The following ACSS3 variants were observed in gnomAD, a reference collection of about 807,000 sequenced individuals.
The protein encoded by ACSS3 is acyl-CoA synthetase short chain family member 3.
ACSS3 carries 64 observed loss-of-function variants against 84.2 expected under a neutral mutation model. The observed-to-expected ratio is 0.76, with a 90% CI of 0.62 to 0.94. The LOEUF (loss-of-function observed/expected upper bound fraction) is 0.94. Among genes scored for constraint, ACSS3 ranks in the 40% least tolerant of loss-of-function variants. ACSS3 has a pLI of 0.00. For synonymous variants in ACSS3, 317 were observed against 310.1 expected, an observed-to-expected ratio of 1.02 and a Z score of -0.23; for missense variants, 815 against 867.6, an observed-to-expected ratio of 0.94 and a Z score of 0.76.
chr12:81,258,872 T>C lies in ACSS3; in HGVS notation c.*3950T>C, dbSNP rs531638856. On this transcript the variant is annotated 3_prime_UTR_variant, in exon 16 of 16. Coordinates refer to ENST00000548058, the MANE Select transcript of ACSS3 (RefSeq NM_024560.4). ...AAGAAGTTTTTTTATCTTTTTTTTTTTCTTGGTCCACAGGTAACAAGAGAA... is the reference window on the plus strand; with the variant it reads ...AAGAAGTTTTTTTATCTTTTTTTTTCTCTTGGTCCACAGGTAACAAGAGAA... The C allele has an allele frequency of 1.3e-5, 2 of 152,108 alleles. No homozygotes were observed. Among genetic ancestry groups the C allele is most frequent in the Non-Finnish European group, 2.9e-5 (2 of 68,090 alleles). The allele number at this position is 152,108 out of a possible 1,614,324, so 9.4% of individuals were successfully genotyped here.
chr12:81,130,834 C>G (rs1198130360), intron 2 of ACSS3, among the ~76,000 whole-genome samples: 1 of 152,182 alleles, frequency 6.6e-6, no homozygotes, highest in South Asian at 2.1e-4. Flanking sequence ...GCAGTTTCAG[C>G]TTTCTACATA....
intron 8 of ACSS3, 145 bp downstream of exon 8, chr12:81,175,084 A>C (rs1319761473): frequency 7.0e-6 from 6 of 859,994 alleles, no homozygotes; most frequent in Non-Finnish European, 9.6e-6. Flanking sequence ...TTGTCTAAAT[A>C]TAATTTTGAA....
At chr12:81,099,405 G>C (rs1882325613) in intron 1 of ACSS3, among the ~76,000 whole-genome samples, 1 of 152,142 alleles carries the variant, frequency 6.6e-6, no homozygotes, top group African/African-American at 2.4e-5. Flanking sequence ...TACATGCAAA[G>C]TGCAGAAATC....
At position 81,256,496 on chromosome 12, in the gene ACSS3, T is replaced by C. The variant is rs890406867; in HGVS notation, c.*1574T>C. 3 of 152,170 alleles carry C rather than the reference T, an allele frequency of 2.0e-5. No homozygotes were observed. The highest frequency in any genetic ancestry group is 2.0e-4 in the Admixed American group (3 of 15,264). 9.4% of individuals were successfully genotyped at this position (152,170 alleles called of 1,614,324 possible). A position where few individuals can be genotyped will look rare whatever the true frequency, so the allele number is the denominator to read the frequency against. Reference sequence around the variant, plus strand: ...ATGACATCAGTTATCAAAGAATACATTTTAACCCAAAAGTATACCATGCTC... The same window carrying C: ...ATGACATCAGTTATCAAAGAATACACTTTAACCCAAAAGTATACCATGCTC... On this transcript the variant is annotated 3_prime_UTR_variant, in exon 16 of 16. Coordinates refer to ENST00000548058, the MANE Select transcript of ACSS3 (RefSeq NM_024560.4).
chr12:81,214,662 G>A (rs932339160), intron 9 of ACSS3, among the ~76,000 whole-genome samples: 17 of 152,110 alleles, frequency 1.1e-4, no homozygotes, highest in African/African-American at 4.1e-4. Flanking sequence ...ATCCTTTCTT[G>A]CTGTCTTGCA....
At chr12:81,252,416 T>C (rs148124630) in intron 13 of ACSS3, among the ~76,000 whole-genome samples, 64 of 152,220 alleles carry the variant, frequency 4.2e-4, no homozygotes, top group African/African-American at 1.3e-3. Flanking sequence ...CAAATATTCA[T>C]TGAATGAATG....
chr12:81,200,285 C>T (rs2032041127), intron 9 of ACSS3, among the ~76,000 whole-genome samples: 4 of 152,146 alleles, frequency 2.6e-5, no homozygotes, highest in Admixed American at 2.6e-4. Context: ...AGCTATGAGC[C>T]ATGGGAGCCC....
chr12:81,229,951 A>G (rs2033399951), intron 11 of ACSS3, among the ~76,000 whole-genome samples: 2 of 151,946 alleles, frequency 1.3e-5, no homozygotes, highest in Non-Finnish European at 1.5e-5. Flanking sequence ...TGAGAGTAAA[A>G]TTCAGTGCCA....
At chr12:81,173,683 G>T (rs541080299) in intron 7 of ACSS3, among the ~76,000 whole-genome samples, 6 of 151,964 alleles carry the variant, frequency 3.9e-5, no homozygotes, top group African/African-American at 1.2e-4. Flanking sequence ...CCCTATTTGG[G>T]GACATTGTTG....
At chr12:81,226,397 T>C (rs921868884) in intron 11 of ACSS3, among the ~76,000 whole-genome samples, 7 of 151,790 alleles carry the variant, frequency 4.6e-5, no homozygotes, top group Non-Finnish European at 1.0e-4. Flanking sequence ...TGTTTTATAC[T>C]CTCTCCACGA....
chr12:81,110,852 T>C (rs980866604), intron 2 of ACSS3, among the ~76,000 whole-genome samples: 1 of 152,212 alleles, frequency 6.6e-6, no homozygotes, highest in African/African-American at 2.4e-5. Context: ...CTTTTAAGAT[T>C]GTATTCTCTC....
At chr12:81,207,395 A>T (rs1279314417) in intron 9 of ACSS3, among the ~76,000 whole-genome samples, 3 of 152,144 alleles carry the variant, frequency 2.0e-5, no homozygotes, top group Admixed American at 6.6e-5. Context: ...GCAAGAAGTG[A>T]TGCAGAATCC....
chr12:81,222,789 T>C (rs1054801376), intron 11 of ACSS3, among the ~76,000 whole-genome samples: 1 of 152,004 alleles, frequency 6.6e-6, no homozygotes, highest in African/African-American at 2.4e-5. Flanking sequence ...CTACTATAGG[T>C]CTTAAGATAT....
chr12:81,234,336 T>C (rs191567305), intron 13 of ACSS3, among the ~76,000 whole-genome samples: 5 of 151,540 alleles, frequency 3.3e-5, no homozygotes, highest in Admixed American at 3.3e-4. Flanking sequence ...TTTGCAGCAA[T>C]TATAAATAGG....
Position 81,216,938 on chromosome 12 carries a change from A to G in ACSS3, c.1392A>G (p.Leu464=), listed in dbSNP as rs756203538. The G allele has an allele frequency of 2.5e-6, 4 of 1,611,440 alleles. No homozygotes were observed. The highest frequency in any genetic ancestry group is 2.2e-5 in the South Asian group (2 of 91,054). ...CAATTACTGCGTCATGTGTTGGATT[A>G]GGCAATTCTAAAACACCTCCACCAG... is the stretch of plus-strand genomic sequence containing the variant. ...GSPITASCVG[L]GNSKTPPPGQ... is the part of the protein sequence containing the mutation. The change falls in exon 10 of 16, where the codon TTA becomes TTG. Residue 464 remains leucine (L), a synonymous_variant. Transcript: ENST00000548058.
chr12:81,253,197 A>G, intron 13 of ACSS3, 110 bp from the exon 14 acceptor site: 1 of 1,203,958 alleles, frequency 8.3e-7, no homozygotes, highest in Non-Finnish European at 1.2e-6. Context: ...TTTTTTCCCC[A>G]ACTGAAATTA....
At chr12:81,243,799 C>G (rs7309776) in intron 13 of ACSS3, among the ~76,000 whole-genome samples, 65,476 of 152,030 alleles carry the variant, frequency 0.43, 15,023 homozygotes, top group Non-Finnish European at 0.52. Context: ...CACTTGCTAG[C>G]ACATTAGCAT....
intron 2 of ACSS3, among the ~76,000 whole-genome samples, chr12:81,128,618 T>C (rs1467258455): frequency 1.3e-5 from 2 of 152,178 alleles, no homozygotes; most frequent in South Asian, 2.1e-4. Context: ...TGAATGTGAA[T>C]TGGGTGAACG....
intron 1 of ACSS3, among the ~76,000 whole-genome samples, chr12:81,089,098 T>G (rs1402390850): frequency 4.6e-5 from 7 of 151,934 alleles, no homozygotes; most frequent in Non-Finnish European, 8.8e-5. Context: ...GACCACATTA[T>G]TCATTGCTTA....
Sources: allele counts gnomAD v4.1 joint callset (sites outside exome capture counted in the v4.1 genomes callset), GRCh38; gene constraint gnomAD v4.1.1; transcripts MANE v1.5; gene names NCBI Gene and HGNC (gene_info 2026-07-23, HGNC 2026-07-21).